PREX1: variants seen among roughly 807,000 people sequenced by gnomAD.
The protein encoded by PREX1 is phosphatidylinositol-3,4,5-trisphosphate dependent Rac exchange factor 1, also known as phosphatidylinositol 3,4,5-trisphosphate-dependent Rac exchanger 1 protein.
PREX1 carries 41 observed loss-of-function variants against 198.3 expected under a neutral mutation model. The ratio of observed to expected loss-of-function variants is 0.21; its 90% CI spans 0.16 to 0.27. PREX1 has a LOEUF of 0.27. Ranked by LOEUF, PREX1 falls within the 10% of genes least tolerant of loss-of-function variation. PREX1 has a pLI of 1.00. For missense variants in PREX1, 1,620 were observed against 2,200.7 expected, an observed-to-expected ratio of 0.74 and a Z score of 5.28; for synonymous variants, 843 against 887.2, an observed-to-expected ratio of 0.95 and a Z score of 0.89.
intron 5 of PREX1, among the ~76,000 whole-genome samples, chr20:48,715,266 G>C (rs918721239): frequency 6.6e-6 from 1 of 152,182 alleles, no homozygotes; most frequent in East Asian, 1.9e-4. Flanking sequence ...AGTCCAATGG[G>C]ACCAGTGCAA....
intron 32 of PREX1, among the ~76,000 whole-genome samples, chr20:48,635,502 C>A (rs886899699): frequency 6.6e-5 from 10 of 152,192 alleles, no homozygotes; most frequent in African/African-American, 2.4e-4. Context: ...ATCTCCCTAG[C>A]CCCTGCCGCT....
intron 14 of PREX1, among the ~76,000 whole-genome samples, chr20:48,669,951 C>T (rs1043748693): frequency 6.6e-6 from 1 of 152,058 alleles, no homozygotes; most frequent in Non-Finnish European, 1.5e-5. Context: ...ATAAAGATGC[C>T]CAAGGATGCC....
chr20:48,882,230 C>T, the PREX1 span, among the ~76,000 whole-genome samples: 8 of 152,056 alleles, frequency 5.3e-5, no homozygotes, highest in Non-Finnish European at 7.4e-5. Context: ...TTGCTGGGCG[C>T]GGTGGCTCAC....
chr20:48,719,906 C>A (rs1363770655), intron 5 of PREX1, among the ~76,000 whole-genome samples: 2 of 151,510 alleles, frequency 1.3e-5, no homozygotes, highest in Admixed American at 6.6e-5. Flanking sequence ...ATGGCTCCCA[C>A]CTCACCAAGA....
rs1043508294 is a variant in PREX1, at chr20:48,653,423, C to A, written c.2284G>T (p.Asp762Tyr). The A allele has an allele frequency of 6.2e-7, 1 of 1,613,980 alleles. No individual in the cohort carries two copies. Among genetic ancestry groups the A allele is most frequent in the East Asian group, 2.2e-5 (1 of 44,888 alleles). The change falls in exon 20 of 40, where the codon GAT (aspartate) becomes TAT (tyrosine). Residue 762 changes from aspartate (D) to tyrosine (Y), a missense_variant. This residue lies in a region of PREX1 where 514 missense variants were observed against 611.6 expected (regional missense o/e 0.84). Coordinates refer to ENST00000371941, the MANE Select transcript of PREX1 (RefSeq NM_020820.4). Reference protein sequence around the residue: ...LKVNGSNVMNDGAPEVLEHFQ... With the variant: ...LKVNGSNVMNYGAPEVLEHFQ... ...TGCTCCAGGACCTCAGGGGCACCATCGTTCATCACGTTGCTGCCATTGACC... is the reference window on the plus strand; with the variant it reads ...TGCTCCAGGACCTCAGGGGCACCATAGTTCATCACGTTGCTGCCATTGACC...
the PREX1 span, among the ~76,000 whole-genome samples, chr20:48,877,780 A>G: frequency 6.6e-6 from 1 of 152,162 alleles, no homozygotes; most frequent in African/African-American, 2.4e-5. Flanking sequence ...AAAGCTCCTC[A>G]CTCAGAACAA....
chr20:48,641,148 T>C (rs980235819), intron 29 of PREX1, among the ~76,000 whole-genome samples: 1 of 152,102 alleles, frequency 6.6e-6, no homozygotes, highest in South Asian at 2.1e-4. Flanking sequence ...TGGGAGAACA[T>C]AAGAAATTTC....
chr20:48,756,751 C>A (rs1256239510), intron 1 of PREX1, among the ~76,000 whole-genome samples: 1 of 152,158 alleles, frequency 6.6e-6, no homozygotes, highest in Non-Finnish European at 1.5e-5. Flanking sequence ...CAGGGCCCCA[C>A]CCTCAATTCA....
At chr20:48,692,936 G>A in intron 7 of PREX1, 146 bp from the exon 8 acceptor site, 1 of 684,554 alleles carries the variant, frequency 1.5e-6, no homozygotes, top group Non-Finnish European at 2.6e-6. Context: ...GGAGTGTTTG[G>A]CTGGTGCTGG....
At chr20:48,638,723 C>A (rs908878103) in intron 30 of PREX1, among the ~76,000 whole-genome samples, 11 of 152,212 alleles carry the variant, frequency 7.2e-5, no homozygotes, top group Admixed American at 2.0e-4. Context: ...CCACGCCAGG[C>A]AGCCAGGGCA....
At chr20:48,789,584 C>G (rs990259637) in intron 1 of PREX1, among the ~76,000 whole-genome samples, 1 of 152,216 alleles carries the variant, frequency 6.6e-6, no homozygotes, top group African/African-American at 2.4e-5. Flanking sequence ...CCAGCCCCCA[C>G]GCAGCCACTT....
the PREX1 span, among the ~76,000 whole-genome samples, chr20:48,878,150 C>A: frequency 1.3e-5 from 2 of 152,210 alleles, no homozygotes; most frequent in African/African-American, 4.8e-5. Flanking sequence ...GCCCACAAGG[C>A]CCTACCCAAC....
Position 48,726,676 on chromosome 20 carries a change from A to G in PREX1, c.520-285T>C, listed in dbSNP as rs528511073. On this transcript the variant is annotated intron_variant, in intron 4 of 39. Coordinates refer to ENST00000371941, the MANE Select transcript of PREX1 (RefSeq NM_020820.4). ...CAACGGCAGAGCTGAGTTGTTGGGG[A>G]AAAAAAGGCCATATAGTGGCAAAAC... Among the ~76,000 whole-genome samples, 74 of 152,324 alleles carry G rather than the reference A, an allele frequency of 4.9e-4. 1 individual carries two copies. Among genetic ancestry groups the G allele is most frequent in the Admixed American group, 4.4e-3 (67 of 15,304 alleles).
At chr20:48,637,806 G>T in intron 30 of PREX1, 54 bp from the exon 31 acceptor site, 1 of 1,529,734 alleles carries the variant, frequency 6.5e-7, no homozygotes, top group Non-Finnish European at 9.0e-7. Context: ...GGCAGCAAGA[G>T]GTGAGGGCAG....
chr20:48,656,248 C>A (rs747407365), intron 18 of PREX1, among the ~76,000 whole-genome samples: 1 of 152,176 alleles, frequency 6.6e-6, no homozygotes, highest in African/African-American at 2.4e-5. Flanking sequence ...CCGGTACCTA[C>A]CCCTAGCACG....
chr20:48,736,611 G>C (rs1342034561), intron 3 of PREX1, among the ~76,000 whole-genome samples: 1 of 152,238 alleles, frequency 6.6e-6, no homozygotes, highest in African/African-American at 2.4e-5. Flanking sequence ...TGGGTGAGTA[G>C]ATGTCTGAGC....
rs2123039074 is a variant in PREX1, at chr20:48,688,640, A to G, written c.1334+17T>C. On this transcript the variant is annotated intron_variant, in intron 10 of 39. Coordinates refer to ENST00000371941, the MANE Select transcript of PREX1 (RefSeq NM_020820.4). ...GAGAGCCCAGGGACCCAGGGAGTTC[A>G]GAGTGAGGCTACTCACTTGCCAAGA... The G allele has an allele frequency of 6.2e-7, 1 of 1,614,014 alleles. No individual in the cohort carries two copies. Among genetic ancestry groups the G allele is most frequent in the Non-Finnish European group, 8.5e-7 (1 of 1,179,920 alleles).
At chr20:48,679,853 T>C in intron 11 of PREX1, 99 bp from the exon 12 acceptor site, 2 of 904,134 alleles carry the variant, frequency 2.2e-6, no homozygotes, top group Middle Eastern at 2.9e-4. Context: ...ACGCCCCCTC[T>C]GCCCCTCCCA....
chr20:48,645,286 T>C (rs2089442984), intron 26 of PREX1, among the ~76,000 whole-genome samples: 1 of 152,238 alleles, frequency 6.6e-6, no homozygotes. Flanking sequence ...GATGTCACCT[T>C]TCACTGGGAC....
Sources: gnomAD v4.1 joint callset for allele counts (sites outside exome capture counted in the v4.1 genomes callset) on GRCh38, gnomAD v4.1.1 for gene constraint, gnomAD v4.1.1 regional missense constraint, MANE v1.5 for transcripts, NCBI Gene and HGNC (gene_info 2026-07-23, HGNC 2026-07-21) for gene names.